The following CLCN7 variants were observed in gnomAD, a reference collection of about 807,000 sequenced individuals.
CLCN7 encodes H(+)/Cl(-) exchange transporter 7.
CLCN7 carries 60 observed loss-of-function variants against 102.1 expected under a neutral mutation model. That is an observed-to-expected ratio of 0.59 (90% CI 0.48 to 0.73). The LOEUF is 0.73. CLCN7 is among the 30% of genes least tolerant of loss of function. The pLI is 0.00. For synonymous variants in CLCN7, 560 were observed against 490.5 expected, an observed-to-expected ratio of 1.14 and a Z score of -1.87; for missense variants, 962 against 1,125.7, an observed-to-expected ratio of 0.85 and a Z score of 2.08.
chr16:1,454,304 G>T, intron 13 of CLCN7, 107 bp downstream of exon 13: 1 of 1,190,524 alleles, frequency 8.4e-7, no homozygotes, highest in Non-Finnish European at 1.2e-6. Flanking sequence ...GCCCTGGGAT[G>T]AGGGCAGGCT....
At chr16:1,446,792 T>C in intron 24 of CLCN7, 75 bp from the exon 25 acceptor site, 4 of 1,336,188 alleles carry the variant, frequency 3.0e-6, no homozygotes, top group Non-Finnish European at 4.2e-6. Context: ...GCCTTGTGTG[T>C]GGCTGGGGCA....
At chr16:1,468,306 G>C (rs968309339) in intron 1 of CLCN7, among the ~76,000 whole-genome samples, 1 of 152,328 alleles carries the variant, frequency 6.6e-6, no homozygotes, top group South Asian at 2.1e-4. Context: ...AGATCCGAGA[G>C]GGGTGAGGGG....
Position 1,474,909 on chromosome 16 carries a change from C to T in CLCN7, c.66G>A (p.Pro22=), listed in dbSNP as rs748207101. 34 of 1,465,968 alleles carry T rather than the reference C, an allele frequency of 2.3e-5. 1 individual carries two copies. The South Asian group carries it at 4.1e-4, about 18-fold the overall frequency. The allele number at this position is 1,465,968 out of a possible 1,614,324, so 90.8% of individuals were successfully genotyped here. A position where few individuals can be genotyped will look rare whatever the true frequency, so the allele number is the denominator to read the frequency against. The change falls in exon 1 of 25, where the codon CCG becomes CCA. Residue 22 remains proline (P), a synonymous_variant. Transcript: ENST00000382745. ...CGGGCCGCGCCGTCCTCCGCAGCAG[C>T]GGCGCCGCCTCCTCGTCGTCCCGGT... is the stretch of plus-strand genomic sequence containing the variant. ...GRDRDDEEAA[P]LLRRTARPGG...
rs1327053135 is a variant in CLCN7 at position 1,457,898 on chromosome 16, C to T, written c.676-142G>A. 7.5e-6 allele frequency: 6 copies of T among 801,270 alleles called. No homozygotes were observed. The highest frequency in any genetic ancestry group is 1.3e-5 in the Non-Finnish European group (6 of 473,764). The allele number at this position is 801,270 out of a possible 1,614,324, so 49.6% of individuals were successfully genotyped here. On this transcript the variant is annotated intron_variant, in intron 7 of 24. Transcript: ENST00000382745. The surrounding 1 kb of genome is among the most constrained non-coding windows in gnomAD (Gnocchi z 5.4). The stretch of plus-strand genomic sequence containing the variant: ...CCGGGAGGGGGCCAGCACCCCCAGG[C>T]TGGGTCTCCCCATGGCCACAGTGGA...
rs954084744 is a variant in CLCN7 at position 1,456,208 on chromosome 16, T to C, written c.823-2A>G. The C allele has an allele frequency of 6.4e-7, 1 of 1,562,258 alleles. No homozygotes were observed. The highest frequency in any genetic ancestry group is 1.2e-5 in the South Asian group (1 of 85,620). On this transcript the variant is annotated splice_acceptor_variant, in intron 9 of 24. Coordinates refer to ENST00000382745, the MANE Select transcript of CLCN7 (RefSeq NM_001287.6). LOFTEE classifies it high-confidence loss of function. ...GTCTCTGCGGAAGTACTCGAAGATC[T>C]GCAACAGGGACAGACCAGGGTCGGG...
At chr16:1,471,665 G>T (rs114546793) in intron 1 of CLCN7, 1 of 152,208 alleles carries the variant, frequency 6.6e-6, no homozygotes, top group Admixed American at 6.5e-5. Flanking sequence ...CGTGCTCAGC[G>T]CTATGCATGC....
chr16:1,466,826 T>G (rs1433738443), intron 1 of CLCN7: 1 of 142,484 alleles, frequency 7.0e-6, no homozygotes, highest in Non-Finnish European at 1.5e-5. Flanking sequence ...CTTGGGAGGC[T>G]AAGGCGGGAG....
At position 1,445,040 on chromosome 16, in the gene CLCN7, G is replaced by A. The variant is rs189885447; in HGVS notation, c.*1591C>T. 5 of 152,358 alleles carry A rather than the reference G, an allele frequency of 3.3e-5. No individual in the cohort carries two copies. The highest frequency in any genetic ancestry group is 2.6e-4 in the Admixed American group (4 of 15,304). 9.4% of individuals were successfully genotyped at this position (152,358 alleles called of 1,614,324 possible). On this transcript the variant is annotated 3_prime_UTR_variant, in exon 25 of 25. Transcript: ENST00000382745. ...GAGGGAAACCCAGACCTAGGTTTCC[G>A]GCGCCGACTCTGAGGCCCGGGAGTT...
intron 4 of CLCN7, 118 bp from the exon 5 acceptor site, chr16:1,461,066 G>C (rs1247700738): frequency 3.8e-6 from 5 of 1,309,274 alleles, no homozygotes; most frequent in Non-Finnish European, 5.2e-6. Context: ...AGTGTGCACG[G>C]TGCGCTGAGT....
chr16:1,464,254 C>A (rs1257737497), intron 2 of CLCN7, among the ~76,000 whole-genome samples: 1 of 152,180 alleles, frequency 6.6e-6, no homozygotes, highest in Non-Finnish European at 1.5e-5. Context: ...TGAGCATAAC[C>A]AACACGCGTG....
At position 1,455,762 on chromosome 16, in the gene CLCN7, G is replaced by A. The variant is rs1295022358; in HGVS notation, c.950C>T (p.Ser317Phe). Residue 317 changes from serine to phenylalanine, a missense_variant, in exon 11 of 25, where the codon TCC becomes TTC. This residue lies in a region of CLCN7 where 799 missense variants were observed against 988.0 expected (regional missense o/e 0.81). Coordinates refer to ENST00000382745, the MANE Select transcript of CLCN7 (RefSeq NM_001287.6). ...GVLFSLEEGA[S>F]FWNQFLTWRI... ...CCAGGTCAGGAACTGGTTCCAGAAG[G>A]ACGCACCCTCCTCCAAGCTGAACAG... The A allele has an allele frequency of 6.2e-7, 1 of 1,613,800 alleles. No individual in the cohort carries two copies. The highest frequency in any genetic ancestry group is 8.5e-7 in the Non-Finnish European group (1 of 1,180,020).
rs2038666568 is a variant in CLCN7 at position 1,447,421 on chromosome 16, T to C, written c.2221A>G (p.Met741Val). ...GGCACCGTGTAGGGGGAGGGGTTCA[T>C]GAACTCGGAGAGGTCCATGGTGCAC... Reference protein sequence around the residue: ...RECTMDLSEFMNPSPYTVPQE... With the variant: ...RECTMDLSEFVNPSPYTVPQE... The change falls in exon 23 of 25, where the codon ATG (methionine) becomes GTG (valine). Residue 741 changes from methionine (M) to valine (V), a missense_variant. By Grantham distance (21) the Met-to-Val change is conservative. Transcript: ENST00000382745. 1 of 1,551,306 alleles carries C rather than the reference T, an allele frequency of 6.4e-7. No individual in the cohort carries two copies. The highest frequency in any genetic ancestry group is 2.4e-5 in the East Asian group (1 of 40,992).
At chr16:1,450,392 GGTGC>G in intron 17 of CLCN7, 101 bp downstream of exon 17, 56 of 1,192,348 alleles carry the variant, frequency 4.7e-5, no homozygotes, top group Non-Finnish European at 6.4e-5. Flanking sequence ...AACCACGTGA[GGTGC>G]GACACTTTTG....
rs1403269424 is a variant in CLCN7, at chr16:1,464,796, TG to T, written c.213+470del. ...GAGGACTCCCGGCCTCACCAGCGGC[TG>T]GGGGAAAAACCGAGGCCGGCGGGAG... On this transcript the variant is annotated intron_variant, in intron 2 of 24. Coordinates refer to ENST00000382745, the MANE Select transcript of CLCN7 (RefSeq NM_001287.6). Among the ~76,000 whole-genome samples the T allele has an allele frequency of 3.3e-5, 5 of 152,214 alleles. No homozygotes were observed. In the South Asian group the frequency reaches 6.2e-4, roughly 19 times the overall value.
intron 4 of CLCN7, 65 bp from the exon 5 acceptor site, chr16:1,461,013 G>C: frequency 2.5e-6 from 4 of 1,576,730 alleles, no homozygotes; most frequent in Non-Finnish European, 3.4e-6. Flanking sequence ...GCAGCAGCAG[G>C]ACCGCCCAGA....
intron 1 of CLCN7, chr16:1,474,191 G>T (rs746803534): frequency 2.2e-6 from 1 of 456,118 alleles, no homozygotes; most frequent in Non-Finnish European, 4.4e-6. Flanking sequence ...GGTGACATGC[G>T]GAACGCATTC....
intron 2 of CLCN7, among the ~76,000 whole-genome samples, chr16:1,463,258 T>C (rs1208675957): frequency 1.3e-5 from 2 of 152,236 alleles, no homozygotes; most frequent in African/African-American, 4.8e-5. Context: ...TCAGTCGTCA[T>C]ACTCTTGGGT....
At chr16:1,456,770 G>A (rs975601901) in intron 9 of CLCN7, among the ~76,000 whole-genome samples, 1 of 151,864 alleles carries the variant, frequency 6.6e-6, no homozygotes, top group Non-Finnish European at 1.5e-5. Flanking sequence ...GAACCTGGGA[G>A]GTGGAGGCTG....
chr16:1,463,965 G>A (rs1272109500), intron 2 of CLCN7, among the ~76,000 whole-genome samples: 1 of 152,112 alleles, frequency 6.6e-6, no homozygotes, highest in East Asian at 1.9e-4. Context: ...TGTAGAGACA[G>A]GGTTTCACCA....
Sources: gnomAD v4.1 joint callset for allele counts (sites outside exome capture counted in the v4.1 genomes callset) on GRCh38, gnomAD v4.1.1 for gene constraint, gnomAD v4.1.1 regional missense constraint, Gnocchi (gnomAD v3.1) non-coding constraint, MANE v1.5 for transcripts, NCBI Gene and HGNC (gene_info 2026-07-23, HGNC 2026-07-21) for gene names.